CASK: variants seen among roughly 807,000 people sequenced by gnomAD.
CASK encodes peripheral plasma membrane protein CASK.
A neutral mutation model predicts 82.9 loss-of-function variants in CASK; 4 were observed. That is an observed-to-expected ratio of 0.05 (90% CI 0.02 to 0.11). The LOEUF (loss-of-function observed/expected upper bound fraction) is 0.11, where lower values mean the gene tolerates loss of function less well. Among genes scored for constraint, CASK ranks in the 10% least tolerant of loss-of-function variants. The probability of loss-of-function intolerance (pLI) is 1.00; values close to 1 mark genes in which losing one functional copy is unlikely to be tolerated. For synonymous variants in CASK, 259 were observed against 253.5 expected, an observed-to-expected ratio of 1.02 and a Z score of -0.20; for missense variants, 358 against 720.9, an observed-to-expected ratio of 0.50 and a Z score of 5.76.
rs181519803 is a variant in CASK, at chrX:41,567,758, T to C, written c.1582+1910A>G. On this transcript the variant is annotated intron_variant, in intron 16 of 26. Transcript: ENST00000378163. Reference sequence around the variant, plus strand: ...TACTGAGTATATACCTAAAGGATTATAAATCATGCTACTATAAAGACACAT... The same window carrying C: ...TACTGAGTATATACCTAAAGGATTACAAATCATGCTACTATAAAGACACAT... Among the ~76,000 whole-genome samples, 395 of 111,804 alleles carry C rather than the reference T, an allele frequency of 3.5e-3. 2 individuals carry two copies. The highest frequency in any genetic ancestry group is 6.3e-3 in the Admixed American group (66 of 10,491).
intron 22 of CASK, among the ~76,000 whole-genome samples, chrX:41,535,628 T>C (rs1204131306): frequency 9.0e-6 from 1 of 111,298 alleles, no homozygotes; most frequent in Non-Finnish European, 1.9e-5. Flanking sequence ...TAAGGAGAGT[T>C]ACATGCTTTC....
At chrX:41,900,037 T>TG (rs1569479605) in intron 1 of CASK, among the ~76,000 whole-genome samples, 1 of 109,190 alleles carries the variant, frequency 9.2e-6, no homozygotes, top group African/African-American at 3.4e-5. Flanking sequence ...GTTGGCAGGT[T>TG]TTTTGTTTTG....
intron 8 of CASK, among the ~76,000 whole-genome samples, chrX:41,644,128 T>A (rs1425302146): frequency 8.9e-6 from 1 of 111,781 alleles, no homozygotes; most frequent in Non-Finnish European, 1.9e-5. Flanking sequence ...TGAAGCTGAC[T>A]TGATCGTGGT....
chrX:41,751,334 T>C (rs1323741049), intron 3 of CASK, among the ~76,000 whole-genome samples: 1 of 111,508 alleles, frequency 9.0e-6, no homozygotes, highest in Non-Finnish European at 1.9e-5. Flanking sequence ...AACGATCCTT[T>C]TGCTTGGGCC....
At chrX:41,835,488 A>G (rs2070912627) in intron 2 of CASK, among the ~76,000 whole-genome samples, 2 of 112,517 alleles carry the variant, frequency 1.8e-5, no homozygotes, top group African/African-American at 3.2e-5. Context: ...TACTAAGAAA[A>G]ATTGAATATA....
At chrX:41,600,958 A>G (rs1292570309) in intron 12 of CASK, among the ~76,000 whole-genome samples, 1 of 112,131 alleles carries the variant, frequency 8.9e-6, no homozygotes, top group African/African-American at 3.2e-5. Flanking sequence ...AACATGGATG[A>G]ACCTTGAAGA....
At chrX:41,553,397 G>A (rs1252708938) in intron 21 of CASK, among the ~76,000 whole-genome samples, 2 of 111,176 alleles carry the variant, frequency 1.8e-5, no homozygotes, top group African/African-American at 3.3e-5. Flanking sequence ...TTTTTTTAAT[G>A]CCATTCTAAA....
At chrX:41,622,776 A>C (rs2066305767) in intron 10 of CASK, 142 bp from the exon 11 acceptor site, 1 of 386,917 alleles carries the variant, frequency 2.6e-6, no homozygotes. Flanking sequence ...CTCATGTTCC[A>C]TGAGTACAAT....
intron 6 of CASK, 37 bp from the exon 7 acceptor site, chrX:41,665,489 T>G: frequency 1.9e-6 from 2 of 1,073,708 alleles, no homozygotes; most frequent in Non-Finnish European, 2.6e-6. Context: ...AATGTTTACA[T>G]AAAATGGGAT....
At chrX:41,577,818 C>T (rs1467093059) in intron 15 of CASK, among the ~76,000 whole-genome samples, 2 of 111,670 alleles carry the variant, frequency 1.8e-5, no homozygotes, top group Non-Finnish European at 1.9e-5. Context: ...CTCCCAAGCA[C>T]TGAGTAAATT....
chrX:41,818,671 C>G (rs763529079), intron 2 of CASK, among the ~76,000 whole-genome samples: 1 of 111,029 alleles, frequency 9.0e-6, no homozygotes, highest in Admixed American at 9.6e-5. Flanking sequence ...ACCCTAAAGA[C>G]AGATCAATAA....
At chrX:41,889,178 C>T (rs1440377334) in intron 1 of CASK, among the ~76,000 whole-genome samples, 3 of 107,502 alleles carry the variant, frequency 2.8e-5, no homozygotes, top group East Asian at 2.8e-4. Flanking sequence ...AAAAAAGGCA[C>T]GTTATCTGAG....
chrX:41,526,689 C>T (rs1278702774), intron 25 of CASK, among the ~76,000 whole-genome samples: 3 of 111,251 alleles, frequency 2.7e-5, no homozygotes, highest in African/African-American at 9.8e-5. Context: ...CTTTTTTTTG[C>T]CCTGGTTGTC....
chrX:41,805,959 T>C (rs1354018634), intron 2 of CASK, among the ~76,000 whole-genome samples: 1 of 111,645 alleles, frequency 9.0e-6, no homozygotes, highest in African/African-American at 3.3e-5. Flanking sequence ...TGAGCTGCTT[T>C]CAATAAGTCT....
chrX:41,730,764 G>A (rs770018196), intron 5 of CASK, among the ~76,000 whole-genome samples: 4 of 111,392 alleles, frequency 3.6e-5, no homozygotes, highest in African/African-American at 6.5e-5. Context: ...GTGCAGTGGC[G>A]TGATCTGGCT....
At chrX:41,754,931 T>C (rs1284856747) in intron 3 of CASK, among the ~76,000 whole-genome samples, 2 of 99,002 alleles carry the variant, frequency 2.0e-5, no homozygotes, top group Middle Eastern at 5.4e-3. Flanking sequence ...CAGGCAGGAG[T>C]GCAGTGGTGC....
chrX:41,550,890 G>A (rs1033112184), intron 21 of CASK, among the ~76,000 whole-genome samples: 2 of 111,556 alleles, frequency 1.8e-5, no homozygotes, highest in African/African-American at 6.5e-5. Flanking sequence ...CAGCCTGGGC[G>A]AGAGCACAAT....
chrX:41,635,052 T>C (rs1225228855), intron 9 of CASK, among the ~76,000 whole-genome samples: 2 of 111,993 alleles, frequency 1.8e-5, no homozygotes, highest in African/African-American at 3.2e-5. Context: ...CATGGTTGAA[T>C]AGATCCTTCT....
At chrX:41,566,652 T>C (rs772036562) in intron 16 of CASK, among the ~76,000 whole-genome samples, 31 of 111,741 alleles carry the variant, frequency 2.8e-4, no homozygotes, top group African/African-American at 9.4e-4. Context: ...TGAAAATGGC[T>C]ATACTGCCCA....
Sources: allele counts gnomAD v4.1 joint callset (sites outside exome capture counted in the v4.1 genomes callset), GRCh38; gene constraint gnomAD v4.1.1; transcripts MANE v1.5; gene names NCBI Gene and HGNC (gene_info 2026-07-23, HGNC 2026-07-21).